The following IFT43 variants were observed in gnomAD, a reference collection of about 807,000 sequenced individuals.
The protein encoded by IFT43 is intraflagellar transport protein 43 homolog.
A neutral mutation model predicts 32.3 loss-of-function variants in IFT43; 33 were observed. The ratio of observed to expected loss-of-function variants is 1.02; its 90% CI spans 0.77 to 1.37. The LOEUF is 1.37. IFT43 is among the 40% of genes most tolerant of loss of function. The pLI is 0.00. For missense variants in IFT43, 274 were observed against 265.9 expected (o/e 1.03, Z -0.21); for synonymous variants, 93 against 98.2 (o/e 0.95, Z 0.31).
chr14:76,047,686 T>C (rs1031687099), intron 3 of IFT43, among the ~76,000 whole-genome samples: 5 of 151,056 alleles, frequency 3.3e-5, no homozygotes, highest in Non-Finnish European at 5.9e-5. Context: ...CCCGCCCGCC[T>C]GCCTGCCTGC....
chr14:76,030,528 G>C (rs80105372), intron 3 of IFT43, among the ~76,000 whole-genome samples: 1 of 152,106 alleles, frequency 6.6e-6, no homozygotes, highest in Non-Finnish European at 1.5e-5. Context: ...GGCTCTTTTA[G>C]TAGGTAGAAC....
intron 5 of IFT43, among the ~76,000 whole-genome samples, chr14:76,077,613 AT>A (rs1330905107): frequency 1.3e-5 from 2 of 152,140 alleles, no homozygotes; most frequent in Non-Finnish European, 2.9e-5. Flanking sequence ...GTGGCCACGA[AT>A]AAAGTATTAT....
At chr14:76,061,995 T>C (rs1422270776) in intron 5 of IFT43, among the ~76,000 whole-genome samples, 2 of 152,168 alleles carry the variant, frequency 1.3e-5, no homozygotes, top group African/African-American at 4.8e-5. Flanking sequence ...CTTTTGCTGC[T>C]AATTCCATTA....
chr14:76,017,915 ATT>A (rs1170229897), intron 2 of IFT43, among the ~76,000 whole-genome samples: 1 of 151,364 alleles, frequency 6.6e-6, no homozygotes, highest in Non-Finnish European at 1.5e-5. Flanking sequence ...CTCATTTATG[ATT>A]TTATTTATTT....
chr14:76,051,995 T>G (rs2036922197), intron 3 of IFT43, among the ~76,000 whole-genome samples: 1 of 152,242 alleles, frequency 6.6e-6, no homozygotes, highest in Non-Finnish European at 1.5e-5. Context: ...AGGGATGGAC[T>G]CGCATAGGGC....
chr14:75,999,282 T>TATATATATATATATATATATA (rs1491301918), intron 2 of IFT43, among the ~76,000 whole-genome samples: 2 of 26,520 alleles, frequency 7.5e-5, no homozygotes, highest in Non-Finnish European at 1.3e-4. Flanking sequence ...TGTATATATA[T>TATATATATATATATATATATA]TTTTTTTTTT....
At chr14:76,080,687 G>T (rs924224177) in intron 5 of IFT43, among the ~76,000 whole-genome samples, 2 of 152,198 alleles carry the variant, frequency 1.3e-5, no homozygotes, top group Admixed American at 6.5e-5. Flanking sequence ...CATAGGGCCT[G>T]TGCAGTCTTA....
At chr14:76,059,657 G>A in intron 5 of IFT43, 1 of 459,316 alleles carries the variant, frequency 2.2e-6, no homozygotes, top group South Asian at 2.1e-5. Flanking sequence ...TCTCTCACTG[G>A]ATGTTCTTTC....
intron 1 of IFT43, among the ~76,000 whole-genome samples, chr14:75,988,354 C>T (rs1388431760): frequency 6.6e-6 from 1 of 152,152 alleles, no homozygotes; most frequent in East Asian, 1.9e-4. Context: ...AGAGTGAGAA[C>T]CTGTCTTAAT....
At chr14:76,014,929 T>C (rs1023033564) in intron 2 of IFT43, among the ~76,000 whole-genome samples, 1 of 152,188 alleles carries the variant, frequency 6.6e-6, no homozygotes, top group Non-Finnish European at 1.5e-5. Flanking sequence ...CATTGTGGCC[T>C]TTTGAGTTTC....
rs531108883 is a variant in IFT43 at position 76,042,257 on chromosome 14, T to TAA, written c.216-16370_216-16369dup. Among the ~76,000 whole-genome samples, 68 of 131,968 alleles carry TAA rather than the reference T, an allele frequency of 5.2e-4. No individual in the cohort carries two copies. In the South Asian group the frequency reaches 6.5e-3, roughly 13 times the overall value. 86.6% of individuals were successfully genotyped at this position (131,968 alleles called of 152,430 possible). ...GCTTGCAGATGAGGAAACTGAAGAG[T>TAA]AAAAAAAAAAAAAAAAGTTAAGTAA... On this transcript the variant is annotated intron_variant, in intron 3 of 8. Coordinates refer to ENST00000314067, the MANE Select transcript of IFT43 (RefSeq NM_001102564.3).
intron 5 of IFT43, among the ~76,000 whole-genome samples, chr14:76,068,895 T>G (rs952064671): frequency 6.6e-6 from 1 of 152,218 alleles, no homozygotes; most frequent in African/African-American, 2.4e-5. Context: ...GAACATTCAT[T>G]GTCCTTACCC....
chr14:75,994,279 C>A (rs8007362), intron 2 of IFT43, among the ~76,000 whole-genome samples: 2,983 of 152,140 alleles, frequency 0.02, 92 homozygotes, highest in African/African-American at 0.064. Flanking sequence ...TGTCTCCATA[C>A]CCACTTAGGA....
intron 3 of IFT43, among the ~76,000 whole-genome samples, chr14:76,039,392 C>G (rs1651992303): frequency 6.6e-6 from 1 of 152,162 alleles, no homozygotes; most frequent in South Asian, 2.1e-4. Context: ...TTCCTGATCT[C>G]ACGCAATCCT....
rs1425893530 is a variant in IFT43, at chr14:76,028,691, A to T, written c.215+6297A>T. 3.9e-5 allele frequency among the ~76,000 whole-genome samples: 6 copies of T among 152,080 alleles called. No homozygotes were observed. The East Asian group carries it at 1.2e-3, about 29-fold the overall frequency. On this transcript the variant is annotated intron_variant, in intron 3 of 8. Transcript: ENST00000314067. ...TGTGCCCAGGATTTAGCTCCTACTTATAAGTGAGACCTCTAATATTTGGTT... is the reference window on the plus strand; with the variant it reads ...TGTGCCCAGGATTTAGCTCCTACTTTTAAGTGAGACCTCTAATATTTGGTT...
intron 1 of IFT43, chr14:75,986,167 G>T (rs770956439): frequency 3.7e-6 from 5 of 1,342,906 alleles, no homozygotes; most frequent in South Asian, 3.7e-5. Context: ...CGATCACAGG[G>T]TGATAGGGGA....
intron 3 of IFT43, among the ~76,000 whole-genome samples, chr14:76,046,750 G>A (rs1312215710): frequency 6.6e-6 from 1 of 152,232 alleles, no homozygotes; most frequent in Non-Finnish European, 1.5e-5. Context: ...GCTTGGCAGA[G>A]TTTAAAGTGA....
chr14:75,986,028 G>A (rs2035517144), intron 1 of IFT43, 188 bp downstream of exon 1: 2 of 1,525,682 alleles, frequency 1.3e-6, no homozygotes, highest in Admixed American at 2.0e-5. Context: ...GCTGGCCTGG[G>A]GTTTGCTTTC....
chr14:76,022,543 C>T (rs1014316786), intron 3 of IFT43, 149 bp downstream of exon 3: 1 of 591,114 alleles, frequency 1.7e-6, no homozygotes, highest in Admixed American at 3.0e-5. Flanking sequence ...ACAATTTAAT[C>T]ATTCTTAATA....
Sources: allele counts gnomAD v4.1 joint callset (sites outside exome capture counted in the v4.1 genomes callset), GRCh38; gene constraint gnomAD v4.1.1; transcripts MANE v1.5; gene names NCBI Gene and HGNC (gene_info 2026-07-23, HGNC 2026-07-21).